RSBN1: variants seen among roughly 807,000 people sequenced by gnomAD.
The protein encoded by RSBN1 is lysine-specific demethylase 9.
A neutral mutation model predicts 74.8 loss-of-function variants in RSBN1; 23 were observed. The ratio of observed to expected loss-of-function variants is 0.31; its 90% CI spans 0.22 to 0.44. RSBN1 has a LOEUF of 0.44. RSBN1 is among the 20% of genes least tolerant of loss of function. RSBN1 has a pLI of 1.00. For synonymous variants in RSBN1, 407 were observed against 379.6 expected (o/e 1.07, Z -0.84); for missense variants, 808 against 1,020.9 (o/e 0.79, Z 2.84).
At chr1:113,776,160 T>C (rs1348269477) in intron 4 of RSBN1, among the ~76,000 whole-genome samples, 1 of 152,250 alleles carries the variant, frequency 6.6e-6, no homozygotes, top group Non-Finnish European at 1.5e-5. Context: ...GGCTCGGTCC[T>C]ATAGAACATT....
chr1:113,782,271 ACATTTACAGATT>A (rs749677703), intron 2 of RSBN1, among the ~76,000 whole-genome samples: 6 of 152,218 alleles, frequency 3.9e-5, no homozygotes, highest in Non-Finnish European at 8.8e-5. Flanking sequence ...AAAGTACATA[ACATTTACAGATT>A]TTAGGTAAGT....
At chr1:113,774,048 T>TA (rs1328304667) in intron 4 of RSBN1, among the ~76,000 whole-genome samples, 1 of 151,982 alleles carries the variant, frequency 6.6e-6, no homozygotes, top group African/African-American at 2.4e-5. Context: ...TGCACAAACA[T>TA]ACATATCTAC....
At chr1:113,792,537 T>C (rs1419810945) in intron 2 of RSBN1, among the ~76,000 whole-genome samples, 1 of 152,234 alleles carries the variant, frequency 6.6e-6, no homozygotes, top group Non-Finnish European at 1.5e-5. Context: ...ACTCTGGCTC[T>C]ATAAAAAAAT....
chr1:113,802,159 T>C (rs1256701674), intron 1 of RSBN1, among the ~76,000 whole-genome samples: 1 of 152,120 alleles, frequency 6.6e-6, no homozygotes, highest in Non-Finnish European at 1.5e-5. Flanking sequence ...TTTCACTATG[T>C]TGGCCAGGCT....
chr1:113,800,132 C>T (rs1660552624), intron 1 of RSBN1, among the ~76,000 whole-genome samples: 1 of 152,002 alleles, frequency 6.6e-6, no homozygotes, highest in African/African-American at 2.4e-5. Flanking sequence ...GTTACGAAAC[C>T]TTCTAAAGAA....
intron 1 of RSBN1, among the ~76,000 whole-genome samples, chr1:113,807,790 T>G (rs1435805847): frequency 1.5e-5 from 2 of 132,114 alleles, no homozygotes; most frequent in African/African-American, 5.1e-5. Context: ...TATATATATA[T>G]GTATATGTAT....
intron 2 of RSBN1, among the ~76,000 whole-genome samples, chr1:113,778,546 C>T (rs898418417): frequency 6.6e-6 from 1 of 152,012 alleles, no homozygotes; most frequent in African/African-American, 2.4e-5. Flanking sequence ...GTGATCCACC[C>T]GCCTTGGCCT....
chr1:113,801,262 C>T (rs1660579027), intron 1 of RSBN1, among the ~76,000 whole-genome samples: 2 of 152,138 alleles, frequency 1.3e-5, no homozygotes, highest in Non-Finnish European at 2.9e-5. Flanking sequence ...GGATTACAAG[C>T]GTGAGCCACG....
intron 3 of RSBN1, 149 bp from the exon 4 acceptor site, chr1:113,777,501 GAA>G: frequency 1.1e-6 from 1 of 930,466 alleles, no homozygotes. Context: ...ATATTAAAAA[GAA>G]TAATTGAATT....
At chr1:113,781,963 TTA>T (rs1660147361) in intron 2 of RSBN1, among the ~76,000 whole-genome samples, 1 of 152,174 alleles carries the variant, frequency 6.6e-6, no homozygotes. Flanking sequence ...AAAAAACATC[TTA>T]TCATTCAACC....
At chr1:113,796,974 A>T (rs1423693356) in intron 2 of RSBN1, among the ~76,000 whole-genome samples, 3 of 152,246 alleles carry the variant, frequency 2.0e-5, no homozygotes, top group Non-Finnish European at 4.4e-5. Context: ...AAAACCTGGC[A>T]TATAAACAGG....
intron 1 of RSBN1, among the ~76,000 whole-genome samples, chr1:113,798,813 T>TA (rs1309020395): frequency 1.3e-5 from 2 of 152,176 alleles, no homozygotes; most frequent in Non-Finnish European, 2.9e-5. Flanking sequence ...CTCTGGTAGT[T>TA]ACATATTATA....
chr1:113,771,830 A>AG (rs1659889772), intron 4 of RSBN1, among the ~76,000 whole-genome samples: 1 of 150,054 alleles, frequency 6.7e-6, no homozygotes, highest in Non-Finnish European at 1.5e-5. Context: ...AAAAAAAAAA[A>AG]GGAGGGTAAT....
At chr1:113,773,588 T>C (rs1342032740) in intron 4 of RSBN1, among the ~76,000 whole-genome samples, 1 of 152,188 alleles carries the variant, frequency 6.6e-6, no homozygotes, top group Non-Finnish European at 1.5e-5. Context: ...TAGTTTAAAA[T>C]GTTAGTGGAG....
chr1:113,768,440 CA>C (rs537232862), intron 4 of RSBN1, 51 bp from the exon 5 acceptor site: 1,013 of 1,409,154 alleles, frequency 7.2e-4, no homozygotes, highest in South Asian at 1.4e-3. Flanking sequence ...AGAAAGAGAC[CA>C]AAAAAAAATT....
intron 1 of RSBN1, among the ~76,000 whole-genome samples, chr1:113,800,283 A>T (rs1004640737): frequency 3.9e-5 from 6 of 152,178 alleles, no homozygotes; most frequent in Non-Finnish European, 8.8e-5. Context: ...ATTTAATCAG[A>T]ATACTGTTAA....
At chr1:113,785,127 T>TTA (rs1232294281) in intron 2 of RSBN1, among the ~76,000 whole-genome samples, 1 of 151,480 alleles carries the variant, frequency 6.6e-6, no homozygotes, top group Non-Finnish European at 1.5e-5. Context: ...CTTAAAAACT[T>TTA]TTTTTTTTAC....
intron 1 of RSBN1, among the ~76,000 whole-genome samples, chr1:113,811,035 G>A (rs753903144): frequency 2.0e-5 from 3 of 152,102 alleles, no homozygotes; most frequent in African/African-American, 4.8e-5. Flanking sequence ...CTGAAATTCC[G>A]GCCTCTACTA....
chr1:113,808,459 A>G (rs1227476411), intron 1 of RSBN1, among the ~76,000 whole-genome samples: 1 of 152,244 alleles, frequency 6.6e-6, no homozygotes, highest in Non-Finnish European at 1.5e-5. Context: ...ACCCATGGAT[A>G]CAGAGGGCTA....
Sources: gnomAD v4.1 joint callset for allele counts (sites outside exome capture counted in the v4.1 genomes callset) on GRCh38, gnomAD v4.1.1 for gene constraint, MANE v1.5 for transcripts, NCBI Gene and HGNC (gene_info 2026-07-23, HGNC 2026-07-21) for gene names.